The following WWOX variants were observed in gnomAD, a reference collection of about 807,000 sequenced individuals.
The protein encoded by WWOX is WW domain-containing oxidoreductase.
WWOX carries 69 observed loss-of-function variants against 46.2 expected under a neutral mutation model. The observed-to-expected ratio is 1.49, with a 90% CI of 1.23 to 1.82. The LOEUF is 1.82. WWOX is among the 40% of genes most tolerant of loss of function. The pLI is 0.00. For missense variants in WWOX, 919 were observed against 542.6 expected (o/e 1.69, Z -6.89); for synonymous variants, 359 against 202.6 (o/e 1.77, Z -6.56).
At chr16:78,676,679 T>G (rs534128906) in intron 8 of WWOX, among the ~76,000 whole-genome samples, 8 of 152,288 alleles carry the variant, frequency 5.3e-5, no homozygotes, top group African/African-American at 1.7e-4. Flanking sequence ...TGAAGAAACA[T>G]TGCTTTTATT....
chr16:79,012,504 G>C (rs563303887), intron 8 of WWOX, among the ~76,000 whole-genome samples: 6 of 152,134 alleles, frequency 3.9e-5, no homozygotes, highest in East Asian at 1.9e-4. Flanking sequence ...TAAAGTACTG[G>C]GATTACAGAC....
At chr16:78,198,672 T>G (rs1182450499) in intron 5 of WWOX, among the ~76,000 whole-genome samples, 1 of 152,226 alleles carries the variant, frequency 6.6e-6, no homozygotes, top group African/African-American at 2.4e-5. Flanking sequence ...CTTTTGCTGT[T>G]ACGAGCATGG....
intron 8 of WWOX, among the ~76,000 whole-genome samples, chr16:78,880,032 ATAAAG>A (rs1962357358): frequency 6.6e-6 from 1 of 152,244 alleles, no homozygotes; most frequent in Admixed American, 6.5e-5. Context: ...TCAAAAGTAG[ATAAAG>A]TAAAAGAGTG....
intron 8 of WWOX, among the ~76,000 whole-genome samples, chr16:78,730,451 C>T (rs781618406): frequency 6.6e-6 from 1 of 151,686 alleles, no homozygotes; most frequent in Admixed American, 6.6e-5. Context: ...AGGAGAAATA[C>T]ATCTTTTGTT....
intron 8 of WWOX, among the ~76,000 whole-genome samples, chr16:78,602,288 A>G (rs1207070723): frequency 6.6e-6 from 1 of 152,150 alleles, no homozygotes; most frequent in South Asian, 2.1e-4. Flanking sequence ...ACTGGAGTGC[A>G]GTGGTGTAAT....
chr16:78,974,005 A>C (rs1349881149), intron 8 of WWOX, among the ~76,000 whole-genome samples: 1 of 152,224 alleles, frequency 6.6e-6, no homozygotes, highest in East Asian at 1.9e-4. Flanking sequence ...TTTCCCTAGC[A>C]CAAAACTCAT....
intron 6 of WWOX, among the ~76,000 whole-genome samples, chr16:78,423,334 T>G (rs1057095485): frequency 3.9e-5 from 6 of 152,228 alleles, no homozygotes; most frequent in Non-Finnish European, 8.8e-5. Flanking sequence ...ATGATTTTAA[T>G]GGCTGCATAG....
intron 8 of WWOX, among the ~76,000 whole-genome samples, chr16:78,983,413 G>C (rs1426147261): frequency 6.6e-6 from 1 of 152,186 alleles, no homozygotes; most frequent in Non-Finnish European, 1.5e-5. Flanking sequence ...TCCTGGGAAG[G>C]ATGATACATG....
intron 8 of WWOX, among the ~76,000 whole-genome samples, chr16:79,184,074 A>ATT (rs982245113): frequency 2.6e-5 from 4 of 152,232 alleles, no homozygotes; most frequent in Admixed American, 1.3e-4. Flanking sequence ...CATTGTCAAA[A>ATT]GGACTCAAAA....
chr16:78,800,771 G>C (rs2050865551), intron 8 of WWOX, among the ~76,000 whole-genome samples: 1 of 152,046 alleles, frequency 6.6e-6, no homozygotes, highest in Non-Finnish European at 1.5e-5. Context: ...AGTGTGTCTG[G>C]GTCTGTGTCA....
chr16:78,364,978 C>T (rs1304174023), intron 5 of WWOX, among the ~76,000 whole-genome samples: 2 of 152,184 alleles, frequency 1.3e-5, no homozygotes, highest in Admixed American at 1.3e-4. Context: ...GTGATAGTCA[C>T]AGCTGAAGTC....
intron 8 of WWOX, among the ~76,000 whole-genome samples, chr16:78,562,750 T>A (rs972835332): frequency 2.0e-5 from 3 of 152,176 alleles, no homozygotes; most frequent in African/African-American, 4.8e-5. Context: ...AGCTAGGAGT[T>A]AAGATCTTTA....
intron 6 of WWOX, among the ~76,000 whole-genome samples, chr16:78,414,682 C>T (rs2082759805): frequency 1.3e-5 from 2 of 152,196 alleles, no homozygotes; most frequent in South Asian, 4.1e-4. Flanking sequence ...AATCTTGTGA[C>T]CTGAGGAATA....
intron 5 of WWOX, among the ~76,000 whole-genome samples, chr16:78,334,893 T>TAAGAAAAA (rs2080849604): frequency 8.4e-6 from 1 of 119,010 alleles, no homozygotes; most frequent in South Asian, 2.7e-4. Flanking sequence ...AGGAAGAAAA[T>TAAGAAAAA]TAAACTCATT....
intron 8 of WWOX, chr16:79,077,507 G>T (rs904400361): frequency 6.6e-6 from 1 of 152,130 alleles, no homozygotes; most frequent in Admixed American, 6.5e-5. Flanking sequence ...CACAGAGATG[G>T]TCTAAACTGT....
intron 6 of WWOX, among the ~76,000 whole-genome samples, chr16:78,416,348 A>G (rs1035770928): frequency 6.6e-6 from 1 of 152,232 alleles, no homozygotes; most frequent in Admixed American, 6.5e-5. Context: ...CCTTTTGTAC[A>G]AGCCAATTAA....
chr16:79,065,362 T>C (rs2048422627), intron 8 of WWOX, among the ~76,000 whole-genome samples: 1 of 152,142 alleles, frequency 6.6e-6, no homozygotes, highest in African/African-American at 2.4e-5. Context: ...TGGAGGCTAG[T>C]GTTCTTCCAG....
chr16:78,971,046 T>A (rs1017444464), intron 8 of WWOX, among the ~76,000 whole-genome samples: 1 of 151,616 alleles, frequency 6.6e-6, no homozygotes, highest in Non-Finnish European at 1.5e-5. Context: ...TCACTCTGTT[T>A]CCCAGGGTGT....
intron 8 of WWOX, chr16:78,898,942 T>G (rs1183094885): frequency 6.6e-6 from 1 of 152,172 alleles, no homozygotes; most frequent in Non-Finnish European, 1.5e-5. Context: ...ATACAGTTGA[T>G]TCTAGCAAAC....
Sources: allele counts gnomAD v4.1 joint callset (sites outside exome capture counted in the v4.1 genomes callset), GRCh38; gene constraint gnomAD v4.1.1; transcripts MANE v1.5; gene names NCBI Gene and HGNC (gene_info 2026-07-23, HGNC 2026-07-21).